The following FGF7 variants were observed in gnomAD, a reference collection of about 807,000 sequenced individuals.
The protein encoded by FGF7 is FGF-7.
Under a neutral mutation model 20.5 loss-of-function variants are expected in FGF7, and 6 were observed. The ratio of observed to expected loss-of-function variants is 0.29; its 90% CI spans 0.16 to 0.58. The LOEUF is 0.58. Ranked by LOEUF, FGF7 falls within the 20% of genes least tolerant of loss-of-function variation. The pLI, the probability that FGF7 is intolerant of heterozygous loss-of-function variation, is 0.90. For missense variants in FGF7, 144 were observed against 228.8 expected (o/e 0.63, Z 2.39); for synonymous variants, 64 against 74.7 (o/e 0.86, Z 0.74).
At chr15:49,470,374 C>T (rs1028502958) in intron 2 of FGF7, among the ~76,000 whole-genome samples, 9 of 152,024 alleles carry the variant, frequency 5.9e-5, no homozygotes, top group African/African-American at 1.9e-4. Flanking sequence ...TACCAATAAG[C>T]AATTCTGTTG....
chr15:49,428,762 T>C (rs1317940189), intron 2 of FGF7, among the ~76,000 whole-genome samples: 1 of 152,018 alleles, frequency 6.6e-6, no homozygotes, highest in South Asian at 2.1e-4. Context: ...TTTTAAGAAT[T>C]TCTTGTCATA....
intron 2 of FGF7, among the ~76,000 whole-genome samples, chr15:49,444,963 T>C (rs2052046294): frequency 6.6e-6 from 1 of 151,564 alleles, no homozygotes; most frequent in South Asian, 2.1e-4. Context: ...AGAACAAATA[T>C]TCATGTATTC....
chr15:49,479,389 T>G (rs972622023), intron 2 of FGF7, among the ~76,000 whole-genome samples: 1 of 152,124 alleles, frequency 6.6e-6, no homozygotes, highest in African/African-American at 2.4e-5. Context: ...AAACTTCTCT[T>G]AAGCACAAAT....
At chr15:49,453,784 C>G (rs888459895) in intron 2 of FGF7, among the ~76,000 whole-genome samples, 2 of 152,076 alleles carry the variant, frequency 1.3e-5, no homozygotes, top group African/African-American at 4.8e-5. Context: ...CTGATGACCT[C>G]CAGGAAATTC....
intron 2 of FGF7, among the ~76,000 whole-genome samples, chr15:49,456,217 C>T (rs2053271359): frequency 6.6e-6 from 1 of 151,980 alleles, no homozygotes; most frequent in African/African-American, 2.4e-5. Flanking sequence ...ATTTTTTACC[C>T]TATTTCCCTC....
intron 2 of FGF7, among the ~76,000 whole-genome samples, chr15:49,429,135 C>A (rs2050374175): frequency 6.6e-6 from 1 of 151,952 alleles, no homozygotes; most frequent in African/African-American, 2.4e-5. Context: ...TTATCAGAAT[C>A]AAAAATAGCA....
At chr15:49,463,963 TA>T (rs1374333148) in intron 2 of FGF7, among the ~76,000 whole-genome samples, 1 of 152,226 alleles carries the variant, frequency 6.6e-6, no homozygotes, top group Non-Finnish European at 1.5e-5. Flanking sequence ...TTACTATTTT[TA>T]TCCTAGGATA....
At chr15:49,447,578 G>A (rs2052341550) in intron 2 of FGF7, among the ~76,000 whole-genome samples, 1 of 151,818 alleles carries the variant, frequency 6.6e-6, no homozygotes, top group Admixed American at 6.6e-5. Context: ...TAAAATACAT[G>A]TTCACCATCA....
At chr15:49,442,058 G>A (rs1458943702) in intron 2 of FGF7, among the ~76,000 whole-genome samples, 1 of 151,476 alleles carries the variant, frequency 6.6e-6, no homozygotes, top group Non-Finnish European at 1.5e-5. Flanking sequence ...ATGTGTTCAA[G>A]TAATTGAATT....
rs3985841 is a variant in FGF7, at chr15:49,483,084, T to C, written c.287-67T>C. On this transcript the variant is annotated intron_variant, in intron 2 of 3. Coordinates refer to ENST00000267843, the MANE Select transcript of FGF7 (RefSeq NM_002009.4). ...CGATTAAAACAGAAATAAGAACAAA[T>C]GGCCATTCGTGGATCATTTGCAAAA... is the stretch of plus-strand genomic sequence containing the variant. The C allele has an allele frequency of 4.1e-4, 348 of 850,188 alleles. 3 individuals are homozygous for C. In the African/African-American group the frequency reaches 5.3e-3, roughly 13 times the overall value. The allele number at this position is 850,188 out of a possible 1,614,324, so 52.7% of individuals were successfully genotyped here. A position where few individuals can be genotyped will look rare whatever the true frequency, so the allele number is the denominator to read the frequency against.
At chr15:49,434,216 T>C (rs761604253) in intron 2 of FGF7, among the ~76,000 whole-genome samples, 7 of 151,732 alleles carry the variant, frequency 4.6e-5, no homozygotes, top group Non-Finnish European at 8.9e-5. Context: ...AGGTCACTTG[T>C]AGGTGTTACA....
At chr15:49,474,977 T>C (rs2055120866) in intron 2 of FGF7, among the ~76,000 whole-genome samples, 2 of 144,990 alleles carry the variant, frequency 1.4e-5, no homozygotes, top group Middle Eastern at 3.7e-3. Flanking sequence ...TTTGAATTTA[T>C]ATTTAAAATT....
intron 2 of FGF7, among the ~76,000 whole-genome samples, chr15:49,436,101 T>C (rs1156261846): frequency 6.6e-6 from 1 of 151,558 alleles, no homozygotes; most frequent in Non-Finnish European, 1.5e-5. Context: ...GCTTAATAAG[T>C]TTGCTGGTAT....
chr15:49,469,607 A>T (rs1043250031), intron 2 of FGF7, among the ~76,000 whole-genome samples: 3 of 152,112 alleles, frequency 2.0e-5, no homozygotes, highest in African/African-American at 7.2e-5. Context: ...TATTGAATTG[A>T]AATAATTCAA....
At chr15:49,451,690 G>A (rs953525694) in intron 2 of FGF7, among the ~76,000 whole-genome samples, 1 of 151,972 alleles carries the variant, frequency 6.6e-6, no homozygotes, top group African/African-American at 2.4e-5. Context: ...TTTTATGTAC[G>A]TCTCAAATCA....
chr15:49,445,860 G>A lies in FGF7; in HGVS notation c.286+21277G>A, dbSNP rs1257312396. ...TCAGATAATTTCAAACTAAAATTTA[G>A]TATGATCATTTGAAATTAGATAGAA... On this transcript the variant is annotated intron_variant, in intron 2 of 3. Coordinates refer to ENST00000267843, the MANE Select transcript of FGF7 (RefSeq NM_002009.4). Among the ~76,000 whole-genome samples the A allele has an allele frequency of 2.0e-5, 3 of 151,390 alleles. No homozygotes were observed. In the East Asian group the frequency reaches 5.8e-4, roughly 29 times the overall value.
chr15:49,483,357 T>C, intron 3 of FGF7, 103 bp downstream of exon 3: 3 of 626,736 alleles, frequency 4.8e-6, no homozygotes, highest in Non-Finnish European at 8.4e-6. Flanking sequence ...TCTCCAACTG[T>C]ATAATTTAAT....
intron 2 of FGF7, among the ~76,000 whole-genome samples, chr15:49,442,254 T>C (rs1226464789): frequency 6.6e-6 from 1 of 151,664 alleles, no homozygotes. Context: ...TAAACATCCA[T>C]ACTTTTTCAC....
At position 49,488,144 on chromosome 15, in the gene FGF7, G is replaced by C. The variant is rs2056562314; in HGVS notation, c.*3640G>C. ...ACTAACTTGTGGGTATCATTTCTATGATCACCCTAAAACAGAGTTGGGAAA... is the reference window on the plus strand; with the variant it reads ...ACTAACTTGTGGGTATCATTTCTATCATCACCCTAAAACAGAGTTGGGAAA... On this transcript the variant is annotated 3_prime_UTR_variant, in exon 4 of 4. Coordinates refer to ENST00000267843, the MANE Select transcript of FGF7 (RefSeq NM_002009.4). 1.3e-5 allele frequency: 2 copies of C among 151,918 alleles called. No individual in the cohort carries two copies. Among genetic ancestry groups the C allele is most frequent in the Non-Finnish European group, 2.9e-5 (2 of 67,930 alleles). The allele number at this position is 151,918 out of a possible 1,614,324, so 9.4% of individuals were successfully genotyped here.
Sources: gnomAD v4.1 joint callset for allele counts (sites outside exome capture counted in the v4.1 genomes callset) on GRCh38, gnomAD v4.1.1 for gene constraint, MANE v1.5 for transcripts, NCBI Gene and HGNC (gene_info 2026-07-23, HGNC 2026-07-21) for gene names.